The following SH3PXD2B variants were observed in gnomAD, a reference collection of about 807,000 sequenced individuals.
The protein encoded by SH3PXD2B is SH3 and PX domain-containing protein 2B.
SH3PXD2B carries 37 observed loss-of-function variants against 73.1 expected under a neutral mutation model. That is an observed-to-expected ratio of 0.51 (90% CI 0.39 to 0.67). The LOEUF is 0.67. Ranked by LOEUF, SH3PXD2B falls within the 30% of genes least tolerant of loss-of-function variation. SH3PXD2B has a pLI of 0.00. For missense variants in SH3PXD2B, 1,053 were observed against 1,197.8 expected (o/e 0.88, Z 1.78); for synonymous variants, 457 against 480.5 (o/e 0.95, Z 0.64).
At chr5:172,373,312 A>T (rs1262738925) in intron 6 of SH3PXD2B, among the ~76,000 whole-genome samples, 2 of 152,112 alleles carry the variant, frequency 1.3e-5, no homozygotes, top group Non-Finnish European at 2.9e-5. Context: ...CTTCATCAAG[A>T]CCCAGGGTCC....
Position 172,338,850 on chromosome 5 carries a change from T to G in SH3PXD2B, c.2255A>C (p.Gln752Pro), listed in dbSNP as rs772460017. The stretch of plus-strand genomic sequence containing the variant: ...GCGGGGTGGGACCACAGGTCTCTGC[T>G]GGGGAGCCTCTTGGAGAGGAACAGG... ...SVPVPLQEAP[Q>P]QRPVVPPRRP... The change falls in exon 13 of 13, where the codon CAG (glutamine) becomes CCG (proline). Residue 752 changes from glutamine (Q) to proline (P), a missense_variant. By Grantham distance (76) the Gln-to-Pro change is moderately conservative. Transcript: ENST00000311601. The surrounding 1 kb of genome is among the most constrained non-coding windows in gnomAD (Gnocchi z 5.1). 7 of 1,613,282 alleles carry G rather than the reference T, an allele frequency of 4.3e-6. No homozygotes were observed. The South Asian group carries it at 5.5e-5, about 13-fold the overall frequency.
intron 5 of SH3PXD2B, among the ~76,000 whole-genome samples, chr5:172,375,106 C>T (rs1757794034): frequency 6.6e-6 from 1 of 152,154 alleles, no homozygotes; most frequent in African/African-American, 2.4e-5. Flanking sequence ...CGCCTGTAAT[C>T]CCAGCACTTT....
chr5:172,397,403 A>G lies in SH3PXD2B; in HGVS notation c.233-2764T>C, dbSNP rs549963815. On this transcript the variant is annotated intron_variant, in intron 3 of 12. Coordinates refer to ENST00000311601, the MANE Select transcript of SH3PXD2B (RefSeq NM_001017995.3). Reference sequence around the variant, plus strand: ...CTTGCCCTGCCTCCATTTGCCTTGTAATATTTTATTACCTTGTGAAGCACA... The same window carrying G: ...CTTGCCCTGCCTCCATTTGCCTTGTGATATTTTATTACCTTGTGAAGCACA... 5.9e-5 allele frequency among the ~76,000 whole-genome samples: 9 copies of G among 152,234 alleles called. No homozygotes were observed. In the South Asian group the frequency reaches 1.9e-3, roughly 32 times the overall value.
In SH3PXD2B at chr5:172,339,210, T is replaced by G. The variant is rs974452914; in HGVS notation, c.1895A>C (p.Gln632Pro). 3 of 1,614,122 alleles carry G rather than the reference T, an allele frequency of 1.9e-6. No individual in the cohort carries two copies. The highest frequency in any genetic ancestry group is 1.7e-6 in the Non-Finnish European group (2 of 1,180,050). The change falls in exon 13 of 13, where the codon CAG becomes CCG. Residue 632 changes from glutamine to proline, a missense_variant. This residue lies in a region of SH3PXD2B where 587 missense variants were observed against 590.7 expected (regional missense o/e 0.99). Transcript: ENST00000311601. The surrounding 1 kb of genome is among the most constrained non-coding windows in gnomAD (Gnocchi z 6.1). ...LPEEKPDATP[Q>P]NPFLKSRPQV... ...AGGTCTGGACTTCAAGAAGGGATTCTGGGGAGTGGCATCTGGCTTCTCCTC... is the reference window on the plus strand; with the variant it reads ...AGGTCTGGACTTCAAGAAGGGATTCGGGGGAGTGGCATCTGGCTTCTCCTC...
Position 172,355,646 on chromosome 5 carries a change from G to A in SH3PXD2B, c.668-1641C>T, listed in dbSNP as rs1209943871. ...TGCAAACTCCGCCTCCCGGGTTCACGCCATTCTCCTGCCTCAGCCTCCCGA... is the reference window on the plus strand; with the variant it reads ...TGCAAACTCCGCCTCCCGGGTTCACACCATTCTCCTGCCTCAGCCTCCCGA... On this transcript the variant is annotated intron_variant, in intron 8 of 12. Transcript: ENST00000311601. Among the ~76,000 whole-genome samples the A allele has an allele frequency of 3.3e-5, 5 of 151,736 alleles. No individual in the cohort carries two copies. In the East Asian group the frequency reaches 5.8e-4, roughly 18 times the overall value.
intron 6 of SH3PXD2B, among the ~76,000 whole-genome samples, chr5:172,369,868 A>G (rs1757664226): frequency 6.8e-6 from 1 of 145,990 alleles, no homozygotes; most frequent in African/African-American, 2.5e-5. Context: ...CTTCCTTCAC[A>G]TTTCGTTTTG....
chr5:172,432,767 C>T (rs747676607), intron 1 of SH3PXD2B, among the ~76,000 whole-genome samples: 13 of 152,010 alleles, frequency 8.6e-5, no homozygotes, highest in Non-Finnish European at 1.9e-4. Flanking sequence ...CAAAAATTAG[C>T]CAGGCATGGT....
intron 7 of SH3PXD2B, among the ~76,000 whole-genome samples, chr5:172,361,223 G>A (rs572420427): frequency 1.3e-5 from 2 of 152,122 alleles, no homozygotes; most frequent in Non-Finnish European, 2.9e-5. Flanking sequence ...ACACACATGT[G>A]TATATAACAT....
chr5:172,333,913 A>C lies in SH3PXD2B; in HGVS notation c.*4456T>G. 3.2e-6 allele frequency: 4 copies of C among 1,262,074 alleles called. No homozygotes were observed. Among genetic ancestry groups the C allele is most frequent in the South Asian group, 1.3e-5 (1 of 76,378 alleles). The allele number at this position is 1,262,074 out of a possible 1,614,324, so 78.2% of individuals were successfully genotyped here. Reference sequence around the variant, plus strand: ...TAATTACACGGGCACAAAGGCATACATGGGCACACACTGGGGTAAAATGTG... The same window carrying C: ...TAATTACACGGGCACAAAGGCATACCTGGGCACACACTGGGGTAAAATGTG... On this transcript the variant is annotated 3_prime_UTR_variant, in exon 13 of 13. Transcript: ENST00000311601.
chr5:172,373,462 GGCAT>G (rs1215988656), intron 6 of SH3PXD2B, among the ~76,000 whole-genome samples: 4 of 152,218 alleles, frequency 2.6e-5, no homozygotes, highest in Non-Finnish European at 1.5e-5. Flanking sequence ...TCTCCATGAA[GGCAT>G]TCTCTGAGAA....
rs756260892 is a variant in SH3PXD2B at position 172,350,454 on chromosome 5, C to G, written c.921G>C (p.Gln307His). 3.8e-5 allele frequency: 61 copies of G among 1,614,084 alleles called. No individual in the cohort carries two copies. The highest frequency in any genetic ancestry group is 4.7e-5 in the Non-Finnish European group (56 of 1,180,054). The change falls in exon 10 of 13, where the codon CAG becomes CAC. Residue 307 changes from glutamine to histidine, a missense_variant. By Grantham distance (24) the Gln-to-His change is conservative (BLOSUM62 0). Around this residue, in one of 2 missense-constraint regions of SH3PXD2B, gnomAD observed 466 missense variants for 607.1 expected, o/e 0.77. Coordinates refer to ENST00000311601, the MANE Select transcript of SH3PXD2B (RefSeq NM_001017995.3). Reference sequence around the variant, plus strand: ...GCTCCTTCTCCCTGCCCACCGCGTTCTGCTGCCGGGAAACACCATCCAAGT... The same window carrying G: ...GCTCCTTCTCCCTGCCCACCGCGTTGTGCTGCCGGGAAACACCATCCAAGT... Reference protein sequence around the residue: ...ALDLDGVSRQQNAVGREKELL... With the variant: ...ALDLDGVSRQHNAVGREKELL...
intron 8 of SH3PXD2B, chr5:172,356,913 G>A (rs1284562710): frequency 6.6e-6 from 1 of 152,214 alleles, no homozygotes; most frequent in African/African-American, 2.4e-5. Context: ...CAAGCCCCAG[G>A]CATCTTAGGG....
chr5:172,406,407 A>T, intron 2 of SH3PXD2B, 55 bp from the exon 3 acceptor site: 4 of 1,554,658 alleles, frequency 2.6e-6, no homozygotes, highest in Non-Finnish European at 3.6e-6. Context: ...ACTAAACATC[A>T]TCTAGGACAT....
At chr5:172,454,040 A>AG (rs1376622983) in intron 1 of SH3PXD2B, among the ~76,000 whole-genome samples, 1 of 96,622 alleles carries the variant, frequency 1.0e-5, no homozygotes, top group Non-Finnish European at 2.1e-5. Flanking sequence ...GGAGGCGAGT[A>AG]GGGGGGCGAG....
At chr5:172,405,738 A>C (rs1758538255) in intron 3 of SH3PXD2B, among the ~76,000 whole-genome samples, 1 of 152,214 alleles carries the variant, frequency 6.6e-6, no homozygotes, top group African/African-American at 2.4e-5. Flanking sequence ...TTTTTGGCCC[A>C]CAGACCTGTG....
chr5:172,326,499 A>G (rs1756449742), intron 12 of SH3PXD2B, among the ~76,000 whole-genome samples: 1 of 152,170 alleles, frequency 6.6e-6, no homozygotes, highest in African/African-American at 2.4e-5. Flanking sequence ...TATTCAGACA[A>G]GTGTTTGTCA....
At chr5:172,403,397 G>C (rs764356237) in intron 3 of SH3PXD2B, among the ~76,000 whole-genome samples, 3 of 152,248 alleles carry the variant, frequency 2.0e-5, no homozygotes, top group South Asian at 2.1e-4. Context: ...CGCTTCTTTC[G>C]TGCTTCCCTG....
chr5:172,390,858 TGTGA>T (rs1440046257), intron 4 of SH3PXD2B, among the ~76,000 whole-genome samples: 2 of 137,072 alleles, frequency 1.5e-5, no homozygotes, highest in Non-Finnish European at 3.2e-5. Flanking sequence ...TGTGTGTGTG[TGTGA>T]CAGAGTTTTG....
intron 5 of SH3PXD2B, among the ~76,000 whole-genome samples, chr5:172,374,250 A>AGTG (rs1757774077): frequency 6.6e-6 from 1 of 152,156 alleles, no homozygotes; most frequent in Non-Finnish European, 1.5e-5. Context: ...ACACATTAAA[A>AGTG]CTGGGCAGAA....
Sources: gnomAD v4.1 joint callset for allele counts (sites outside exome capture counted in the v4.1 genomes callset) on GRCh38, gnomAD v4.1.1 for gene constraint, gnomAD v4.1.1 regional missense constraint, Gnocchi (gnomAD v3.1) non-coding constraint, MANE v1.5 for transcripts, NCBI Gene and HGNC (gene_info 2026-07-23, HGNC 2026-07-21) for gene names.